CASP9: variants seen among roughly 807,000 people sequenced by gnomAD.
CASP9 encodes caspase 9.
A neutral mutation model predicts 43.5 loss-of-function variants in CASP9; 29 were observed. The ratio of observed to expected loss-of-function variants is 0.67; its 90% CI spans 0.50 to 0.91. The LOEUF is 0.91. Among genes scored for constraint, CASP9 ranks in the 40% least tolerant of loss-of-function variants. The probability of loss-of-function intolerance (pLI) is 0.00; values close to 1 mark genes in which losing one functional copy is unlikely to be tolerated. For synonymous variants in CASP9, 206 were observed against 211.9 expected (o/e 0.97, Z 0.24); for missense variants, 575 against 537.4 (o/e 1.07, Z -0.69).
At chr1:15,517,369 G>A (rs1182533434) in intron 2 of CASP9, among the ~76,000 whole-genome samples, 1 of 152,138 alleles carries the variant, frequency 6.6e-6, no homozygotes, top group East Asian at 1.9e-4. Context: ...TTAAGGACAA[G>A]CAAAAGGGAT....
upstream of CASP9, chr1:15,524,285 G>A (rs1430527384): frequency 2.7e-5 from 24 of 897,944 alleles, no homozygotes; most frequent in Non-Finnish European, 3.3e-5. Flanking sequence ...ACCCGCCCCC[G>A]CCCCAGGGCC....
chr1:15,495,601 G>A (rs2103327366), intron 6 of CASP9, 149 bp from the exon 7 acceptor site: 2 of 673,592 alleles, frequency 3.0e-6, no homozygotes, highest in East Asian at 3.4e-5. Context: ...AAACGGAAAA[G>A]TCAAGCTGGG....
intron 7 of CASP9, 104 bp from the exon 8 acceptor site, chr1:15,494,105 G>C: frequency 7.1e-7 from 1 of 1,399,990 alleles, no homozygotes; most frequent in Non-Finnish European, 9.7e-7. Flanking sequence ...TCCAGACCTT[G>C]ACTCATACAT....
intron 8 of CASP9, 41 bp downstream of exon 8, chr1:15,493,851 A>G (rs1335262009): frequency 1.9e-6 from 3 of 1,556,482 alleles, no homozygotes; most frequent in Non-Finnish European, 2.6e-6. Context: ...GCTGCCCCTC[A>G]GCAGCCTCCC....
intron 1 of CASP9, among the ~76,000 whole-genome samples, chr1:15,520,360 A>T (rs1029385928): frequency 6.6e-6 from 1 of 152,286 alleles, no homozygotes; most frequent in Non-Finnish European, 1.5e-5. Flanking sequence ...TAAAGAAAAT[A>T]GTTAGAATAA....
chr1:15,518,350 T>A lies in CASP9; in HGVS notation c.178A>T (p.Ile60Leu), dbSNP rs200592766. 4 of 1,614,060 alleles carry A rather than the reference T, an allele frequency of 2.5e-6. No homozygotes were observed. The African/African-American group carries it at 5.3e-5, about 22-fold the overall frequency. The change falls in exon 2 of 9, where the codon ATA becomes TTA. Residue 60 changes from isoleucine to leucine, a missense_variant. Ile to Leu is a conservative substitution (Grantham distance 5). Transcript: ENST00000333868. ...TGACTCCCTCGAGTCTCCAGATCTA[T>A]GATCAGCTGCCTGGCCTGATCCCGC... Reference protein sequence around the residue: ...SRRDQARQLIIDLETRGSQAL... With the variant: ...SRRDQARQLILDLETRGSQAL...
chr1:15,503,021 C>T (rs573967704), intron 6 of CASP9, among the ~76,000 whole-genome samples: 63 of 151,850 alleles, frequency 4.1e-4, no homozygotes, highest in South Asian at 2.1e-3. Context: ...GGGGTGGGAG[C>T]GGGGGGCAGG....
intron 2 of CASP9, among the ~76,000 whole-genome samples, chr1:15,508,391 C>T (rs182399914): frequency 9.9e-5 from 15 of 152,190 alleles, no homozygotes; most frequent in East Asian, 1.9e-4. Flanking sequence ...ATCCCCAAAT[C>T]GTTTCTTTTC....
chr1:15,524,883 T>A, upstream of CASP9: 1 of 496,326 alleles, frequency 2.0e-6, no homozygotes, highest in Non-Finnish European at 2.5e-6. Flanking sequence ...CAGAATCCAT[T>A]CCGCGCCACC....
chr1:15,493,457 T>C lies in CASP9; in HGVS notation c.1159-422A>G. On this transcript the variant is annotated intron_variant, in intron 8 of 8. Coordinates refer to ENST00000333868, the MANE Select transcript of CASP9 (RefSeq NM_001229.5). ...CTATCAGGCCACCCTTCCCTATCTG[T>C]TTCCTCACTGGGGCCTCCTGAGAAG... 3 of 1,264,106 alleles carry C rather than the reference T, an allele frequency of 2.4e-6. No homozygotes were observed. In the South Asian group the frequency reaches 6.8e-5, roughly 29 times the overall value. The allele number at this position is 1,264,106 out of a possible 1,614,324, so 78.3% of individuals were successfully genotyped here.
chr1:15,510,537 C>T (rs1463668949), intron 2 of CASP9, among the ~76,000 whole-genome samples: 5 of 152,208 alleles, frequency 3.3e-5, no homozygotes, highest in Non-Finnish European at 7.3e-5. Flanking sequence ...GAGGAATTCA[C>T]TCATTCCCCA....
At chr1:15,507,194 C>CATATGAATACACAGCTCTT in intron 3 of CASP9, 119 bp from the exon 4 acceptor site, 1 of 1,156,178 alleles carries the variant, frequency 8.6e-7, no homozygotes, top group Admixed American at 2.2e-5. Context: ...AGGGTCTCCA[C>CATATGAATACACAGCTCTT]CCGGCATTCC....
In CASP9 at chr1:15,519,441, C is replaced by CA. The variant is rs4646003; in HGVS notation, c.133-1047dup. Among the ~76,000 whole-genome samples, 379 of 152,302 alleles carry CA rather than the reference C, an allele frequency of 2.5e-3. 4 individuals carry two copies. The highest frequency in any genetic ancestry group is 8.7e-3 in the African/African-American group (363 of 41,554). On this transcript the variant is annotated intron_variant, in intron 1 of 8. Coordinates refer to ENST00000333868, the MANE Select transcript of CASP9 (RefSeq NM_001229.5). ...AAGCGATCCACCAACCTCAGCCTCTCAAAGTGCTAGGATTACAGGCGTGAG... is the reference window on the plus strand; with the variant it reads ...AAGCGATCCACCAACCTCAGCCTCTCAAAAGTGCTAGGATTACAGGCGTGAG...
In CASP9 at chr1:15,506,932, G is replaced by A. The variant is rs562687130; in HGVS notation, c.597C>T (p.Phe199=). Residue 199 remains phenylalanine, a synonymous_variant, in exon 4 of 9, where the codon TTC becomes TTT. Transcript: ENST00000333868. The part of the protein sequence containing the change: ...KLRRRFSSLH[F]MVEVKGDLTA... ...TCAGGTCGCCCTTCACCTCCACCAT[G>A]AAATGCAGCGAGGAGAAGCGACGCC... 1.2e-6 allele frequency: 2 copies of A among 1,614,076 alleles called. No homozygotes were observed. The highest frequency in any genetic ancestry group is 4.5e-5 in the East Asian group (2 of 44,876).
chr1:15,521,535 A>G (rs1019188419), intron 1 of CASP9, among the ~76,000 whole-genome samples: 1 of 152,228 alleles, frequency 6.6e-6, no homozygotes, highest in Non-Finnish European at 1.5e-5. Context: ...GATCTTTCTT[A>G]TAAGTGCATA....
Position 15,507,859 on chromosome 1 carries a change from TC to T in CASP9, c.453+13del, listed in dbSNP as rs1176038350. 3.8e-5 allele frequency: 62 copies of T among 1,613,846 alleles called. No individual in the cohort carries two copies. The highest frequency in any genetic ancestry group is 5.1e-5 in the Non-Finnish European group (60 of 1,179,914). On this transcript the variant is annotated intron_variant, in intron 3 of 8. Coordinates refer to ENST00000333868, the MANE Select transcript of CASP9 (RefSeq NM_001229.5). The stretch of plus-strand genomic sequence containing the variant: ...AGAGCCCGAGCTACTGGCCCAAATT[TC>T]ATGGAGACTCACCAAATCTGCATTT...
chr1:15,501,755 C>A (rs544456383), intron 6 of CASP9, among the ~76,000 whole-genome samples: 8 of 152,028 alleles, frequency 5.3e-5, no homozygotes, highest in Non-Finnish European at 1.0e-4. Context: ...AAATTTGGCT[C>A]ATATTTTTTT....
chr1:15,503,737 A>G (rs866814552), intron 6 of CASP9, among the ~76,000 whole-genome samples: 23 of 152,216 alleles, frequency 1.5e-4, no homozygotes. Flanking sequence ...GCGCTATGGT[A>G]TAACAGTGCT....
intron 2 of CASP9, among the ~76,000 whole-genome samples, chr1:15,510,750 G>C (rs1709722945): frequency 6.6e-6 from 1 of 152,026 alleles, no homozygotes; most frequent in African/African-American, 2.4e-5. Context: ...TGGGTGACAT[G>C]GTCAGATACA....
Sources: gnomAD v4.1 joint callset for allele counts (sites outside exome capture counted in the v4.1 genomes callset) on GRCh38, gnomAD v4.1.1 for gene constraint, MANE v1.5 for transcripts, NCBI Gene and HGNC (gene_info 2026-07-23, HGNC 2026-07-21) for gene names.